GRM7: variants seen among roughly 807,000 people sequenced by gnomAD.
The protein encoded by GRM7 is metabotropic glutamate receptor 7.
A neutral mutation model predicts 84.5 loss-of-function variants in GRM7; 35 were observed. The observed-to-expected ratio is 0.41, with a 90% CI of 0.32 to 0.55. GRM7 has a LOEUF of 0.55. GRM7 is among the 20% of genes least tolerant of loss of function. The probability of loss-of-function intolerance (pLI) is 0.19; values close to 1 mark genes in which losing one functional copy is unlikely to be tolerated. For missense variants in GRM7, 1,003 were observed against 1,194.6 expected (o/e 0.84, Z 2.36); for synonymous variants, 487 against 455.1 (o/e 1.07, Z -0.89).
intron 4 of GRM7, among the ~76,000 whole-genome samples, chr3:7,380,542 GCA>G (rs1455221136): frequency 6.6e-6 from 1 of 152,168 alleles, no homozygotes; most frequent in Admixed American, 6.5e-5. Context: ...TTGAGATTGA[GCA>G]CATATTAGCA....
intron 4 of GRM7, among the ~76,000 whole-genome samples, chr3:7,318,236 A>C (rs1700651841): frequency 6.6e-6 from 1 of 151,748 alleles, no homozygotes; most frequent in Non-Finnish European, 1.5e-5. Flanking sequence ...AACAGTTTTT[A>C]TCTGTTTTTA....
chr3:7,141,191 A>G (rs973146362), intron 1 of GRM7, among the ~76,000 whole-genome samples: 1 of 152,028 alleles, frequency 6.6e-6, no homozygotes, highest in African/African-American at 2.4e-5. Flanking sequence ...ACTTGCTTAC[A>G]TGGAAATCCC....
At chr3:7,241,707 G>A (rs1697564853) in intron 2 of GRM7, among the ~76,000 whole-genome samples, 1 of 152,090 alleles carries the variant, frequency 6.6e-6, no homozygotes, top group Admixed American at 6.6e-5. Flanking sequence ...CTATCAGCAT[G>A]AAAAATGGGA....
At chr3:7,370,963 AT>A (rs1694106262) in intron 4 of GRM7, among the ~76,000 whole-genome samples, 1 of 152,162 alleles carries the variant, frequency 6.6e-6, no homozygotes, top group African/African-American at 2.4e-5. Context: ...CTTGAATTTG[AT>A]TTTAGGAGCC....
intron 9 of GRM7, among the ~76,000 whole-genome samples, chr3:7,718,767 G>C (rs1701844905): frequency 6.6e-6 from 1 of 152,180 alleles, no homozygotes; most frequent in Non-Finnish European, 1.5e-5. Context: ...GTCTGCTTCA[G>C]GAAACAACTC....
chr3:7,552,746 C>T (rs1260786786), intron 7 of GRM7, among the ~76,000 whole-genome samples: 1 of 152,186 alleles, frequency 6.6e-6, no homozygotes, highest in East Asian at 1.9e-4. Context: ...CTGTGCAAAG[C>T]AGCGAGGCCC....
At chr3:6,865,753 A>T (rs555767075) in intron 1 of GRM7, among the ~76,000 whole-genome samples, 1 of 151,752 alleles carries the variant, frequency 6.6e-6, no homozygotes, top group African/African-American at 2.4e-5. Flanking sequence ...AAATACCTAG[A>T]TTTTTTTTTC....
chr3:7,320,944 C>A (rs1475931057), intron 4 of GRM7, among the ~76,000 whole-genome samples: 1 of 151,888 alleles, frequency 6.6e-6, no homozygotes, highest in South Asian at 2.1e-4. Context: ...ATATTCCTGT[C>A]TTTTTGAAGA....
intron 1 of GRM7, among the ~76,000 whole-genome samples, chr3:6,954,231 G>T (rs371369823): frequency 6.6e-6 from 1 of 152,130 alleles, no homozygotes. Context: ...TTGTGTACAT[G>T]TCAAGTCCTT....
intron 2 of GRM7, among the ~76,000 whole-genome samples, chr3:7,218,983 T>C (rs1437352671): frequency 6.6e-6 from 1 of 152,174 alleles, no homozygotes; most frequent in Non-Finnish European, 1.5e-5. Context: ...TGCCACTGAA[T>C]GAAATTAATG....
chr3:7,416,255 A>G (rs1204399561), intron 5 of GRM7, among the ~76,000 whole-genome samples: 2 of 152,156 alleles, frequency 1.3e-5, no homozygotes, highest in Admixed American at 1.3e-4. Context: ...AGTGGTAACC[A>G]TGGAAGGGTG....
At chr3:7,251,210 G>T (rs1697972472) in intron 2 of GRM7, among the ~76,000 whole-genome samples, 1 of 152,080 alleles carries the variant, frequency 6.6e-6, no homozygotes. Context: ...CATGGTTGAT[G>T]CAGTTCAACA....
At chr3:7,368,827 T>C (rs1443156032) in intron 4 of GRM7, among the ~76,000 whole-genome samples, 1 of 152,150 alleles carries the variant, frequency 6.6e-6, no homozygotes, top group African/African-American at 2.4e-5. Context: ...CCATCGTATC[T>C]CTAACATCAA....
chr3:7,083,352 A>G (rs554128082), intron 1 of GRM7, among the ~76,000 whole-genome samples: 7 of 152,298 alleles, frequency 4.6e-5, no homozygotes, highest in African/African-American at 1.7e-4. Flanking sequence ...TAAGGGATGC[A>G]TATTTTTTAT....
chr3:7,199,694 T>A (rs148999022), intron 2 of GRM7, among the ~76,000 whole-genome samples: 1 of 152,308 alleles, frequency 6.6e-6, no homozygotes, highest in East Asian at 1.9e-4. Flanking sequence ...AATGTCCCCC[T>A]CAAATAATTT....
At chr3:6,884,107 A>G (rs1192390166) in intron 1 of GRM7, 1 of 152,696 alleles carries the variant, frequency 6.5e-6, no homozygotes, top group Non-Finnish European at 1.5e-5. Flanking sequence ...AGGCAGAGCC[A>G]TTTGACAGAT....
intron 1 of GRM7, among the ~76,000 whole-genome samples, chr3:7,139,597 A>G (rs1047252085): frequency 9.9e-5 from 15 of 151,936 alleles, no homozygotes; most frequent in African/African-American, 3.4e-4. Context: ...CCTTATAATA[A>G]ATTATCTTCA....
intron 1 of GRM7, among the ~76,000 whole-genome samples, chr3:7,039,353 T>A (rs183341771): frequency 2.0e-5 from 3 of 152,184 alleles, no homozygotes; most frequent in African/African-American, 7.2e-5. Flanking sequence ...AAGTGTTTTT[T>A]AAAAAAATTT....
rs1210970696 is a variant in GRM7 at position 7,050,277 on chromosome 3, TA to T, written c.520-96171del. Among the ~76,000 whole-genome samples the T allele has an allele frequency of 3.3e-5, 5 of 151,746 alleles. No homozygotes were observed. The East Asian group carries it at 9.7e-4, about 29-fold the overall frequency. The stretch of plus-strand genomic sequence containing the variant: ...TGGAGGGGGAAGAAAATAACTAACA[TA>T]AAAGTCTGTTCTAAAACAAAAGCTT... On this transcript the variant is annotated intron_variant, in intron 1 of 9. Transcript: ENST00000357716.
Sources: gnomAD v4.1 joint callset for allele counts (sites outside exome capture counted in the v4.1 genomes callset) on GRCh38, gnomAD v4.1.1 for gene constraint, MANE v1.5 for transcripts, NCBI Gene and HGNC (gene_info 2026-07-23, HGNC 2026-07-21) for gene names.